Variants in PML observed in about 807,000 individuals in gnomAD.
PML encodes PML nuclear body scaffold.
In PML, 28 loss-of-function variants were observed where a neutral mutation model predicts 65.2. The ratio of observed to expected loss-of-function variants is 0.43; its 90% CI spans 0.32 to 0.59. The LOEUF is 0.59. Ranked by LOEUF, PML falls within the 20% of genes least tolerant of loss-of-function variation. The pLI is 0.08. For synonymous variants in PML, 500 were observed against 508.8 expected (o/e 0.98, Z 0.23); for missense variants, 1,021 against 1,203.4 (o/e 0.85, Z 2.24).
chr15:74,043,253 A>G lies in PML; in HGVS notation c.1861+114A>G. 2 of 1,596,646 alleles carry G rather than the reference A, an allele frequency of 1.3e-6. No individual in the cohort carries two copies. The highest frequency in any genetic ancestry group is 1.7e-6 in the Non-Finnish European group (2 of 1,171,994). The stretch of plus-strand genomic sequence containing the variant: ...AGGAGAGCTCTGAGCTCTGGCCAAC[A>G]ACTGCAGCCAGGCTGGGCAGAGCAC... On this transcript the variant is annotated intron_variant, in intron 8 of 8. Coordinates refer to ENST00000268058, the MANE Select transcript of PML (RefSeq NM_033238.3). The surrounding 1 kb of genome is among the most constrained non-coding windows in gnomAD (Gnocchi z 4.3).
Position 74,042,526 on chromosome 15 carries a change from G to A in PML, c.1711-463G>A. On this transcript the variant is annotated intron_variant, in intron 7 of 8. Transcript: ENST00000268058. This position sits in a 1 kb window ranked among gnomAD's most constrained non-coding sequence, Gnocchi z 5.3. ...GCTCAGAAAGATGAAATTAGGAGCA[G>A]ACATCTCAGGTCCTGCCTGCCATAG... 2.0e-6 allele frequency: 2 copies of A among 985,440 alleles called. No individual in the cohort carries two copies. Among genetic ancestry groups the A allele is most frequent in the Non-Finnish European group, 2.4e-6 (2 of 829,922 alleles). 61.0% of individuals were successfully genotyped at this position (985,440 alleles called of 1,614,324 possible). A position where few individuals can be genotyped will look rare whatever the true frequency, so the allele number is the denominator to read the frequency against.
At position 74,044,641 on chromosome 15, in the gene PML, C is replaced by G. The variant is rs748074472; in HGVS notation, c.2282C>G (p.Pro761Arg). The change falls in exon 9 of 9, where the codon CCG (proline) becomes CGG (arginine). Residue 761 changes from proline to arginine, a missense_variant. By Grantham distance (103) the Pro-to-Arg change is moderately radical. Transcript: ENST00000268058. ...RDLCRLLEVSPGPQLAQHVYP... is the reference protein window; with the variant it reads ...RDLCRLLEVSRGPQLAQHVYP... ...CTGTGCCGCCTCCTCGAGGTCTCCC[C>G]GGGCCCCCAGCTGGCCCAGCATGTC... 1 of 1,605,646 alleles carries G rather than the reference C, an allele frequency of 6.2e-7. No homozygotes were observed. Among genetic ancestry groups the G allele is most frequent in the Non-Finnish European group, 8.5e-7 (1 of 1,179,864 alleles).
At chr15:74,036,228 C>G in intron 7 of PML, 1 of 1,536,792 alleles carries the variant, frequency 6.5e-7, no homozygotes. Flanking sequence ...CCCTTGCACT[C>G]TCCTGTATTC....
At chr15:74,040,213 G>A (rs1287570253) in intron 7 of PML, among the ~76,000 whole-genome samples, 1 of 152,154 alleles carries the variant, frequency 6.6e-6, no homozygotes, top group Non-Finnish European at 1.5e-5. Flanking sequence ...GAACATTAAA[G>A]GGAATCCAGC....
chr15:74,029,614 G>A (rs998085908), intron 4 of PML, among the ~76,000 whole-genome samples: 1 of 151,962 alleles, frequency 6.6e-6, no homozygotes. Flanking sequence ...ACAAGAGCAA[G>A]ACTCTGCCTC....
chr15:74,024,834 G>A (rs1037181297), intron 3 of PML, 23 bp from the exon 4 acceptor site: 22 of 1,595,632 alleles, frequency 1.4e-5, no homozygotes, highest in Non-Finnish European at 1.8e-5. Context: ...TGACCTGCCT[G>A]TGACCTTCTT....
chr15:74,000,573 G>C (rs1451876382), intron 2 of PML, among the ~76,000 whole-genome samples: 1 of 152,100 alleles, frequency 6.6e-6, no homozygotes, highest in Non-Finnish European at 1.5e-5. Context: ...CTCTCAAAGT[G>C]CTGGGATTAC....
chr15:74,029,987 T>G (rs1187759679), intron 4 of PML, among the ~76,000 whole-genome samples: 2 of 152,078 alleles, frequency 1.3e-5, no homozygotes, highest in Non-Finnish European at 2.9e-5. Flanking sequence ...AGGAGGTCAA[T>G]CCATCATGGC....
intron 2 of PML, among the ~76,000 whole-genome samples, chr15:74,012,171 AG>A (rs2070363961): frequency 6.6e-6 from 1 of 152,122 alleles, no homozygotes; most frequent in Non-Finnish European, 1.5e-5. Context: ...AGACATTAAG[AG>A]GTTGGAGCCA....
rs534116588 is a variant in PML at position 73,997,724 on chromosome 15, A to T, written c.130-280A>T. Among the ~76,000 whole-genome samples, 6 of 152,316 alleles carry T rather than the reference A, an allele frequency of 3.9e-5. No individual in the cohort carries two copies. In the East Asian group the frequency reaches 1.2e-3, roughly 29 times the overall value. ...CTTAGTGTATCTACCTTCCAAACTG[A>T]GTTCCTTGAAGGCAGAATGTATCCT... On this transcript the variant is annotated intron_variant, in intron 1 of 8. Coordinates refer to ENST00000268058, the MANE Select transcript of PML (RefSeq NM_033238.3).
At position 74,024,939 on chromosome 15, in the gene PML, T is replaced by TTGA; in HGVS notation, c.1254+13_1254+15dup. On this transcript the variant is annotated intron_variant, in intron 4 of 8. Transcript: ENST00000268058. The stretch of plus-strand genomic sequence containing the variant: ...TTGACGTTGACCTGGTGAGATGGGT[T>TTGA]TGAGGTCTGAAGGGGTGGTGGTGGG... 6.2e-7 allele frequency: 1 copy of TTGA among 1,603,528 alleles called. No homozygotes were observed. The highest frequency in any genetic ancestry group is 1.1e-5 in the South Asian group (1 of 90,856).
chr15:74,004,240 G>A (rs998597735), intron 2 of PML, among the ~76,000 whole-genome samples: 2 of 152,152 alleles, frequency 1.3e-5, no homozygotes, highest in African/African-American at 2.4e-5. Flanking sequence ...CTCCCAAGTA[G>A]CCAGGACTAC....
Position 74,033,308 on chromosome 15 carries a change from C to G in PML, c.1551C>G (p.Val517=). ...CCAGGCCCAGCACCTCCAAGGCAGT[C>G]TCACCACCCCACCTGGATGGACCGC... ...EQPRPSTSKA[V]SPPHLDGPPS... The change falls in exon 6 of 9, where the codon GTC becomes GTG. Residue 517 remains valine (V), a synonymous_variant. Coordinates refer to ENST00000268058, the MANE Select transcript of PML (RefSeq NM_033238.3). 1 of 1,614,220 alleles carries G rather than the reference C, an allele frequency of 6.2e-7. No individual in the cohort carries two copies.
chr15:73,999,065 T>C (rs2069640871), intron 2 of PML, among the ~76,000 whole-genome samples: 1 of 152,200 alleles, frequency 6.6e-6, no homozygotes, highest in Non-Finnish European at 1.5e-5. Flanking sequence ...ACGAACAAAA[T>C]TTGTAAAGAG....
At chr15:73,996,882 T>C (rs2069537837) in intron 1 of PML, among the ~76,000 whole-genome samples, 1 of 152,234 alleles carries the variant, frequency 6.6e-6, no homozygotes, top group African/African-American at 2.4e-5. Context: ...GTGGAATTGT[T>C]ACCAGTAGAG....
At chr15:74,034,658 T>C in intron 7 of PML, 128 bp downstream of exon 7, 1 of 1,596,008 alleles carries the variant, frequency 6.3e-7, no homozygotes, top group Non-Finnish European at 8.5e-7. Context: ...AGGCATTGAG[T>C]CCCAAGCTGT....
intron 2 of PML, among the ~76,000 whole-genome samples, chr15:74,007,308 AAGTGGCATATTTTGG>A (rs2070108489): frequency 6.6e-6 from 1 of 152,218 alleles, no homozygotes; most frequent in Non-Finnish European, 1.5e-5. Flanking sequence ...TCATATGCCA[AAGTGGCATATTTTGG>A]AGTGGCATAT....
At chr15:74,036,932 C>A in intron 7 of PML, 1 of 985,378 alleles carries the variant, frequency 1.0e-6, no homozygotes, top group Non-Finnish European at 1.2e-6. Context: ...AGCTCTCAGT[C>A]CTACCTTCGC....
chr15:74,030,255 A>G (rs2071259231), intron 4 of PML, among the ~76,000 whole-genome samples: 1 of 152,190 alleles, frequency 6.6e-6, no homozygotes, highest in Admixed American at 6.5e-5. Flanking sequence ...GGACGCTTAA[A>G]GTTCACAAAA....
Sources: gnomAD v4.1 joint callset for allele counts (sites outside exome capture counted in the v4.1 genomes callset) on GRCh38, gnomAD v4.1.1 for gene constraint, Gnocchi (gnomAD v3.1) non-coding constraint, MANE v1.5 for transcripts, NCBI Gene and HGNC (gene_info 2026-07-23, HGNC 2026-07-21) for gene names.